The following CIRSR variants were observed in gnomAD, a reference collection of about 807,000 sequenced individuals.
CIRSR encodes the protein corepressor of RBPJ and splicing regulator.
chr2:174,386,158 T>C, the CIRSR span, among the ~76,000 whole-genome samples: 3 of 152,326 alleles, frequency 2.0e-5, no homozygotes, highest in Non-Finnish European at 4.4e-5. Flanking sequence ...TTTTTACTAT[T>C]AATAATATAA....
chr2:174,351,686 C>T, the CIRSR span: 4 of 1,613,626 alleles, frequency 2.5e-6, no homozygotes, highest in South Asian at 4.4e-5. Flanking sequence ...CCCACTGTTT[C>T]TCATCTCCGC....
the CIRSR span, among the ~76,000 whole-genome samples, chr2:174,350,365 G>A: frequency 1.3e-5 from 2 of 152,132 alleles, no homozygotes; most frequent in Non-Finnish European, 2.9e-5. Context: ...AATTGTGTGC[G>A]AAGATACACA....
At chr2:174,350,570 T>C in the CIRSR span, 3 of 756,600 alleles carry the variant, frequency 4.0e-6, no homozygotes, top group Non-Finnish European at 6.2e-6. Flanking sequence ...TATAAGGACC[T>C]TCATGAGCTC....
the CIRSR span, among the ~76,000 whole-genome samples, chr2:174,354,415 ATAATATATATTATATG>A: frequency 6.0e-5 from 5 of 83,948 alleles, no homozygotes; most frequent in African/African-American, 1.3e-4. Flanking sequence ...TATATTATAT[ATAATATATATTATATG>A]ATATATATAA....
At chr2:174,374,712 G>A in the CIRSR span, among the ~76,000 whole-genome samples, 1 of 152,206 alleles carries the variant, frequency 6.6e-6, no homozygotes. Context: ...TCCTCAGTCT[G>A]TGTGCTTAAC....
the CIRSR span, among the ~76,000 whole-genome samples, chr2:174,386,568 T>A: frequency 1.3e-5 from 2 of 152,180 alleles, no homozygotes; most frequent in Non-Finnish European, 1.5e-5. Context: ...CATTGTAGGC[T>A]GTTTTGCGGC....
the CIRSR span, among the ~76,000 whole-genome samples, chr2:174,383,677 A>G: frequency 0.53 from 76,079 of 143,946 alleles, 20,530 homozygotes; most frequent in East Asian, 0.71. Flanking sequence ...CCGAGATCGC[A>G]CCACTGCACT....
the CIRSR span, among the ~76,000 whole-genome samples, chr2:174,372,895 A>G: frequency 6.6e-6 from 1 of 152,080 alleles, no homozygotes; most frequent in Non-Finnish European, 1.5e-5. Context: ...CTTTTACTGT[A>G]ATATTATATA....
At chr2:174,350,897 A>C in the CIRSR span, 1 of 585,434 alleles carries the variant, frequency 1.7e-6, no homozygotes, top group Non-Finnish European at 2.9e-6. Context: ...GAATTAAAAA[A>C]TTTTTTTGTA....
the CIRSR span, among the ~76,000 whole-genome samples, chr2:174,379,597 G>A: frequency 4.6e-5 from 7 of 151,770 alleles, no homozygotes; most frequent in South Asian, 2.1e-4. Context: ...AGTCTGTCCC[G>A]ATTCTAAACC....
chr2:174,373,912 G>A, the CIRSR span, among the ~76,000 whole-genome samples: 1 of 151,908 alleles, frequency 6.6e-6, no homozygotes, highest in East Asian at 1.9e-4. Flanking sequence ...CTCTTCCATG[G>A]CATTAATTTT....
chr2:174,348,428 A>G, the CIRSR span: 1 of 1,524,104 alleles, frequency 6.6e-7, no homozygotes, highest in Admixed American at 2.2e-5. Context: ...AAAGGTATTC[A>G]ATAAAAAAGT....
At chr2:174,367,739 G>A in the CIRSR span, among the ~76,000 whole-genome samples, 1 of 103,676 alleles carries the variant, frequency 9.6e-6, no homozygotes. Flanking sequence ...GAGAGATGCT[G>A]TCTCTTAAAA....
the CIRSR span, among the ~76,000 whole-genome samples, chr2:174,386,659 C>T: frequency 1.3e-5 from 2 of 152,132 alleles, no homozygotes; most frequent in Admixed American, 1.3e-4. Context: ...CCAAACATTG[C>T]CACGTTCCCT....
At chr2:174,376,801 GAAAAAAAA>G in the CIRSR span, among the ~76,000 whole-genome samples, 1 of 106,942 alleles carries the variant, frequency 9.4e-6, no homozygotes, top group African/African-American at 3.7e-5. Flanking sequence ...CTGTCTCAGG[GAAAAAAAA>G]AAAAAAAAAA....
chr2:174,354,716 ATATATAT>A, the CIRSR span, among the ~76,000 whole-genome samples: 1 of 101,098 alleles, frequency 9.9e-6, no homozygotes, highest in Non-Finnish European at 1.9e-5. Flanking sequence ...ATATAATATA[ATATATAT>A]TATATAATAT....
At chr2:174,373,916 TA>T in the CIRSR span, among the ~76,000 whole-genome samples, 1 of 152,100 alleles carries the variant, frequency 6.6e-6, no homozygotes, top group Non-Finnish European at 1.5e-5. Flanking sequence ...TCCATGGCAT[TA>T]ATTTTGCTTA....
chr2:174,379,467 C>G, the CIRSR span, among the ~76,000 whole-genome samples: 1 of 152,172 alleles, frequency 6.6e-6, no homozygotes, highest in Admixed American at 6.5e-5. Context: ...CAGATGTTGT[C>G]TATTCTAACG....
the CIRSR span, among the ~76,000 whole-genome samples, chr2:174,352,228 TAC>T: frequency 5.1e-5 from 7 of 136,536 alleles, no homozygotes; most frequent in East Asian, 2.4e-4. Flanking sequence ...CACACACACA[TAC>T]ACACACACAC....
Sources: gnomAD v4.1 joint callset for allele counts (sites outside exome capture counted in the v4.1 genomes callset) on GRCh38, gnomAD v4.1.1 for gene constraint, MANE v1.5 for transcripts, NCBI Gene and HGNC (gene_info 2026-07-23, HGNC 2026-07-21) for gene names.